Variants in WDR19 observed in about 807,000 individuals in gnomAD.
WDR19 encodes WD repeat domain 19.
WDR19 carries 121 observed loss-of-function variants against 180.0 expected under a neutral mutation model. That is an observed-to-expected ratio of 0.67 (90% CI 0.58 to 0.78). The LOEUF (loss-of-function observed/expected upper bound fraction) is 0.78, where lower values mean the gene tolerates loss of function less well. WDR19 is among the 30% of genes least tolerant of loss of function. The probability of loss-of-function intolerance (pLI) is 0.00; values close to 1 mark genes in which losing one functional copy is unlikely to be tolerated. For missense variants in WDR19, 1,450 were observed against 1,640.7 expected, an observed-to-expected ratio of 0.88 and a Z score of 2.01; for synonymous variants, 497 against 540.7, an observed-to-expected ratio of 0.92 and a Z score of 1.12.
chr4:39,275,833 AG>A (rs1313435041), intron 33 of WDR19, among the ~76,000 whole-genome samples: 1 of 152,206 alleles, frequency 6.6e-6, no homozygotes, highest in East Asian at 1.9e-4. Flanking sequence ...AGTTCCTCTC[AG>A]TGTGAGGAAC....
chr4:39,246,644 C>T (rs1406909434), intron 24 of WDR19, among the ~76,000 whole-genome samples: 1 of 152,202 alleles, frequency 6.6e-6, no homozygotes, highest in Non-Finnish European at 1.5e-5. Context: ...AAAATCGGGT[C>T]ACTCCCACCC....
intron 5 of WDR19, among the ~76,000 whole-genome samples, 191 bp from the exon 6 acceptor site, chr4:39,199,287 G>A (rs1462016012): frequency 6.6e-6 from 1 of 152,196 alleles, no homozygotes; most frequent in Non-Finnish European, 1.5e-5. Flanking sequence ...TTGGAAAACA[G>A]TAATGCCTTT....
intron 36 of WDR19, among the ~76,000 whole-genome samples, chr4:39,281,232 T>TAGAGAGAGAGAGAGAGAGAGAG (rs542816951): frequency 4.2e-4 from 42 of 100,900 alleles, no homozygotes; most frequent in Non-Finnish European, 5.4e-4. Context: ...TATATATATA[T>TAGAGAGAGAGAGAGAGAGAGAG]ATATAGAGAG....
In WDR19 at chr4:39,277,034, C is replaced by T. The variant is rs775155937; in HGVS notation, c.3731C>T (p.Ser1244Phe). ...CTTCCTCACAGGAGACCCGATATAT[C>T]TGAGATAGAAGAGGCCACGACTCCA... ...IEGMVRRPDISEIEEATTPCP... is the reference protein window; with the variant it reads ...IEGMVRRPDIFEIEEATTPCP... The change falls in exon 34 of 37, where the codon TCT (serine) becomes TTT (phenylalanine). Residue 1244 changes from serine to phenylalanine, a missense_variant. By Grantham distance (155) the Ser-to-Phe change is radical. Transcript: ENST00000399820. 1 of 1,613,766 alleles carries T rather than the reference C, an allele frequency of 6.2e-7. No homozygotes were observed. Among genetic ancestry groups the T allele is most frequent in the Non-Finnish European group, 8.5e-7 (1 of 1,179,846 alleles).
chr4:39,242,212 A>G (rs1287940151), intron 21 of WDR19, among the ~76,000 whole-genome samples: 2 of 152,066 alleles, frequency 1.3e-5, no homozygotes, highest in South Asian at 2.1e-4. Context: ...CTACTGGTAC[A>G]TGCTACCACA....
intron 14 of WDR19, among the ~76,000 whole-genome samples, chr4:39,224,639 G>A (rs534762836): frequency 2.8e-4 from 43 of 152,098 alleles, no homozygotes; most frequent in East Asian, 2.1e-3. Flanking sequence ...CTTGTGATCC[G>A]CCCGTCGTGG....
chr4:39,186,562 T>G lies in WDR19; in HGVS notation c.122T>G (p.Phe41Cys). 1 of 1,589,314 alleles carries G rather than the reference T, an allele frequency of 6.3e-7. No homozygotes were observed. The highest frequency in any genetic ancestry group is 8.5e-7 in the Non-Finnish European group (1 of 1,170,776). The change falls in exon 3 of 37, where the codon TTT becomes TGT. Residue 41 changes from phenylalanine (F) to cysteine (C), a missense_variant. Coordinates refer to ENST00000399820, the MANE Select transcript of WDR19 (RefSeq NM_025132.4). Reference sequence around the variant, plus strand: ...AGAGCTGATTATATTGTGAAAATCTTTGATCGCCATGGTCAAAAAAGAAGT... The same window carrying G: ...AGAGCTGATTATATTGTGAAAATCTGTGATCGCCATGGTCAAAAAAGAAGT... ...VTGADYIVKI[F>C]DRHGQKRSEI...
chr4:39,188,844 G>A (rs897198859), intron 3 of WDR19, among the ~76,000 whole-genome samples: 3 of 151,798 alleles, frequency 2.0e-5, no homozygotes, highest in South Asian at 2.1e-4. Context: ...TTTACCTCCC[G>A]GGCTCAAGTA....
chr4:39,230,460 AC>A (rs112121305), intron 17 of WDR19, among the ~76,000 whole-genome samples: 53,430 of 151,850 alleles, frequency 0.35, 9,956 homozygotes, highest in African/African-American at 0.48. Flanking sequence ...GACACCACTT[AC>A]CTCTGTGTGC....
At chr4:39,273,699 A>C (rs1735612126) in intron 32 of WDR19, 1 of 152,262 alleles carries the variant, frequency 6.6e-6, no homozygotes, top group Non-Finnish European at 1.5e-5. Context: ...CAAGGATGAC[A>C]GTCTCAGGCC....
chr4:39,239,787 G>A (rs965972356), intron 20 of WDR19, among the ~76,000 whole-genome samples: 3 of 152,186 alleles, frequency 2.0e-5, no homozygotes, highest in Non-Finnish European at 2.9e-5. Context: ...ATGACAGACT[G>A]CACTTTGAAA....
chr4:39,237,789 C>T (rs1262081565), intron 20 of WDR19: 4 of 152,144 alleles, frequency 2.6e-5, no homozygotes, highest in African/African-American at 7.2e-5. Flanking sequence ...CACCTGCATC[C>T]TGAGGATGAC....
At chr4:39,241,950 C>A (rs763630689) in intron 21 of WDR19, among the ~76,000 whole-genome samples, 10 of 139,902 alleles carry the variant, frequency 7.1e-5, no homozygotes, top group Admixed American at 1.5e-4. Context: ...TTTTTTTTTA[C>A]CAAAAATGAA....
intron 5 of WDR19, among the ~76,000 whole-genome samples, chr4:39,195,387 C>CAAAAAAA (rs11372483): frequency 5.6e-5 from 8 of 141,922 alleles, no homozygotes; most frequent in Non-Finnish European, 1.2e-4. Flanking sequence ...AACAAAAAAA[C>CAAAAAAA]AAACAAACAA....
chr4:39,195,319 A>C (rs1322972715), intron 5 of WDR19, among the ~76,000 whole-genome samples: 1 of 150,744 alleles, frequency 6.6e-6, no homozygotes, highest in Non-Finnish European at 1.5e-5. Context: ...GTGAGCAGAG[A>C]TCGCGCCACT....
chr4:39,245,288 A>G, intron 23 of WDR19, 81 bp from the exon 24 acceptor site: 2 of 1,204,034 alleles, frequency 1.7e-6, no homozygotes, highest in Non-Finnish European at 2.3e-6. Flanking sequence ...TTTGAATCCT[A>G]AAACCTAACA....
At position 39,199,489 on chromosome 4, in the gene WDR19, AAG is replaced by A. The variant is rs556869079; in HGVS notation, c.422_423del (p.Arg141AsnfsTer17). 6.2e-7 allele frequency: 1 copy of A among 1,612,200 alleles called. No individual in the cohort carries two copies. The highest frequency in any genetic ancestry group is 8.5e-7 in the Non-Finnish European group (1 of 1,179,258). On this transcript the variant is annotated frameshift_variant, in exon 6 of 37. Coordinates refer to ENST00000399820, the MANE Select transcript of WDR19 (RefSeq NM_025132.4). LOFTEE classifies it high-confidence loss of function. ...RKIPVLGKHTKRITCGCWNAE... is the reference protein window; with the variant it reads ...RKIPVLGKHTXRITCGCWNAE... Reference sequence around the variant, plus strand: ...AATCTCTTTTTCAGGAAAACATACTAAGAGAATCACTTGTGGATGTTGGAATG... The same window carrying A: ...AATCTCTTTTTCAGGAAAACATACTAAGAATCACTTGTGGATGTTGGAATG...
chr4:39,185,914 TA>T, intron 2 of WDR19, 97 bp downstream of exon 2: 4 of 1,069,484 alleles, frequency 3.7e-6, no homozygotes, highest in Non-Finnish European at 5.2e-6. Flanking sequence ...TTTTTTTTTT[TA>T]AATGGAGTCT....
intron 1 of WDR19, among the ~76,000 whole-genome samples, chr4:39,184,431 A>ATAAAAT (rs1437351587): frequency 1.3e-5 from 2 of 151,890 alleles, no homozygotes; most frequent in Non-Finnish European, 2.9e-5. Context: ...AAAAATAAAA[A>ATAAAAT]TAAACAACCT....
Sources: gnomAD v4.1 joint callset for allele counts (sites outside exome capture counted in the v4.1 genomes callset) on GRCh38, gnomAD v4.1.1 for gene constraint, MANE v1.5 for transcripts, NCBI Gene and HGNC (gene_info 2026-07-23, HGNC 2026-07-21) for gene names.